CSMD1: variants seen among roughly 807,000 people sequenced by gnomAD.
CSMD1 encodes CUB and sushi domain-containing protein 1.
In CSMD1, 213 loss-of-function variants were observed where a neutral mutation model predicts 417.5. That is an observed-to-expected ratio of 0.51 (90% CI 0.46 to 0.57). CSMD1 has a LOEUF of 0.57. Ranked by LOEUF, CSMD1 falls within the 20% of genes least tolerant of loss-of-function variation. The pLI, the probability that CSMD1 is intolerant of heterozygous loss-of-function variation, is 0.00. For synonymous variants in CSMD1, 2,862 were observed against 1,736.8 expected (o/e 1.65, Z -16.11); for missense variants, 6,923 against 4,529.7 (o/e 1.53, Z -15.17).
At chr8:3,378,853 T>A (rs1421315778) in intron 18 of CSMD1, among the ~76,000 whole-genome samples, 1 of 152,144 alleles carries the variant, frequency 6.6e-6, no homozygotes, top group Non-Finnish European at 1.5e-5. Flanking sequence ...AGGATGCCCT[T>A]TCTCACCACT....
At chr8:4,268,756 A>G (rs1258893916) in intron 3 of CSMD1, among the ~76,000 whole-genome samples, 1 of 152,072 alleles carries the variant, frequency 6.6e-6, no homozygotes, top group Non-Finnish European at 1.5e-5. Flanking sequence ...ATTGCTAAAA[A>G]AAAAACCCAC....
chr8:3,515,317 C>T (rs950963240), intron 10 of CSMD1: 4 of 152,174 alleles, frequency 2.6e-5, no homozygotes, highest in African/African-American at 9.7e-5. Flanking sequence ...CTGATGCTGG[C>T]ATGCTGTTCC....
intron 12 of CSMD1, among the ~76,000 whole-genome samples, chr8:3,454,154 C>G (rs1466506108): frequency 1.3e-5 from 2 of 151,696 alleles, no homozygotes; most frequent in African/African-American, 2.4e-5. Flanking sequence ...TTTTTGTTTT[C>G]CATTTGCTTG....
At chr8:4,011,775 T>A (rs1816558241) in intron 4 of CSMD1, among the ~76,000 whole-genome samples, 1 of 152,172 alleles carries the variant, frequency 6.6e-6, no homozygotes, top group Non-Finnish European at 1.5e-5. Context: ...CTTATACAAG[T>A]GTAGTATAAT....
At chr8:3,942,146 T>C (rs1320920928) in intron 5 of CSMD1, among the ~76,000 whole-genome samples, 1 of 152,022 alleles carries the variant, frequency 6.6e-6, no homozygotes, top group African/African-American at 2.4e-5. Flanking sequence ...CACCCCCAGA[T>C]GGGACCATCT....
chr8:2,946,383 T>A (rs1802237720), intron 68 of CSMD1, among the ~76,000 whole-genome samples: 1 of 152,186 alleles, frequency 6.6e-6, no homozygotes, highest in Non-Finnish European at 1.5e-5. Context: ...TTAGCTTTAT[T>A]CTTCCTCTAC....
chr8:4,316,728 C>T (rs770599002), intron 3 of CSMD1, among the ~76,000 whole-genome samples: 4 of 151,854 alleles, frequency 2.6e-5, no homozygotes, highest in East Asian at 1.9e-4. Context: ...ATTTTCAGAA[C>T]GATAGTTAAA....
chr8:4,463,651 A>G (rs1799976649), intron 2 of CSMD1, among the ~76,000 whole-genome samples: 1 of 152,204 alleles, frequency 6.6e-6, no homozygotes, highest in South Asian at 2.1e-4. Flanking sequence ...GCTAGTCACA[A>G]AACACATTTT....
intron 1 of CSMD1, among the ~76,000 whole-genome samples, chr8:4,914,085 A>G (rs993364261): frequency 1.3e-5 from 2 of 152,164 alleles, no homozygotes; most frequent in Admixed American, 6.5e-5. Flanking sequence ...TCAGAGAGGA[A>G]GATTTTACAT....
chr8:4,090,209 T>G (rs978183319), intron 3 of CSMD1, among the ~76,000 whole-genome samples: 1 of 152,224 alleles, frequency 6.6e-6, no homozygotes, highest in African/African-American at 2.4e-5. Flanking sequence ...ATGATTGTCT[T>G]AAAAAGTATT....
intron 4 of CSMD1, among the ~76,000 whole-genome samples, chr8:4,029,321 C>G (rs976977643): frequency 6.6e-6 from 1 of 152,116 alleles, no homozygotes; most frequent in African/African-American, 2.4e-5. Flanking sequence ...ATAATGCATA[C>G]CCAAGAATGG....
intron 2 of CSMD1, among the ~76,000 whole-genome samples, chr8:4,554,404 T>C (rs1798001741): frequency 6.6e-6 from 1 of 152,190 alleles, no homozygotes; most frequent in Non-Finnish European, 1.5e-5. Context: ...CCCAAAGTGC[T>C]ACGATAACAG....
chr8:4,501,583 G>A (rs1585172452), intron 2 of CSMD1, among the ~76,000 whole-genome samples: 1 of 152,134 alleles, frequency 6.6e-6, no homozygotes. Flanking sequence ...AACATTAAAT[G>A]AAAAATTTCA....
chr8:3,722,956 C>T (rs1459814408), intron 6 of CSMD1, among the ~76,000 whole-genome samples: 1 of 152,196 alleles, frequency 6.6e-6, no homozygotes, highest in African/African-American at 2.4e-5. Flanking sequence ...TTACTACCAA[C>T]TTAAGAGCTT....
At chr8:4,660,693 AC>A (rs1384347942) in intron 1 of CSMD1, among the ~76,000 whole-genome samples, 1 of 2,178 alleles carries the variant, frequency 4.6e-4, no homozygotes, top group Admixed American at 6.6e-3. Context: ...AAGACAAGCT[AC>A]AGACCGCAGA....
intron 5 of CSMD1, among the ~76,000 whole-genome samples, chr8:3,940,664 G>A (rs996592506): frequency 4.0e-5 from 6 of 151,616 alleles, no homozygotes; most frequent in East Asian, 1.9e-4. Flanking sequence ...TTTCCTAGAT[G>A]TTCCCAAATT....
chr8:4,237,576 C>A (rs1245770972), intron 3 of CSMD1, among the ~76,000 whole-genome samples: 1 of 151,544 alleles, frequency 6.6e-6, no homozygotes, highest in East Asian at 1.9e-4. Context: ...GCTCTGTCAA[C>A]CAAGCTGGAG....
At chr8:2,983,403 G>T (rs972548781) in intron 54 of CSMD1, among the ~76,000 whole-genome samples, 20 of 152,062 alleles carry the variant, frequency 1.3e-4, no homozygotes, top group African/African-American at 4.6e-4. Context: ...AGCCAGGATG[G>T]TCTCTATCTC....
intron 3 of CSMD1, among the ~76,000 whole-genome samples, chr8:4,184,749 C>G (rs77199246): frequency 0.15 from 21,619 of 147,088 alleles, 1,638 homozygotes; most frequent in East Asian, 0.29. Context: ...GGGTACTGGG[C>G]TTAATACCTG....
Sources: gnomAD v4.1 joint callset for allele counts (sites outside exome capture counted in the v4.1 genomes callset) on GRCh38, gnomAD v4.1.1 for gene constraint, MANE v1.5 for transcripts, NCBI Gene and HGNC (gene_info 2026-07-23, HGNC 2026-07-21) for gene names.